Variants in PTN observed in about 807,000 individuals in gnomAD.
The protein encoded by PTN is heparin affin regulatory protein.
PTN carries 18 observed loss-of-function variants against 24.1 expected under a neutral mutation model. The observed-to-expected ratio is 0.75, with a 90% CI of 0.52 to 1.11. The LOEUF (loss-of-function observed/expected upper bound fraction) is 1.11, where lower values mean the gene tolerates loss of function less well. PTN is among the 50% of genes least tolerant of loss of function. PTN has a pLI of 0.00. For synonymous variants in PTN, 78 were observed against 68.6 expected, an observed-to-expected ratio of 1.14 and a Z score of -0.67; for missense variants, 163 against 198.8, an observed-to-expected ratio of 0.82 and a Z score of 1.08.
At chr7:137,247,319 G>A (rs537963413) in intron 4 of PTN, among the ~76,000 whole-genome samples, 2 of 152,274 alleles carry the variant, frequency 1.3e-5, no homozygotes, top group Non-Finnish European at 2.9e-5. Flanking sequence ...TATACATAAC[G>A]GAGTACAATT....
At chr7:137,270,749 G>C (rs117535511) in intron 1 of PTN, among the ~76,000 whole-genome samples, 1,853 of 152,168 alleles carry the variant, frequency 0.012, 15 homozygotes, top group East Asian at 0.038. Context: ...AAAAATAGAC[G>C]ACTAAAGAGA....
At chr7:137,244,831 A>G (rs1217595550) in intron 4 of PTN, among the ~76,000 whole-genome samples, 4 of 152,128 alleles carry the variant, frequency 2.6e-5, no homozygotes, top group Non-Finnish European at 4.4e-5. Context: ...CTCAAGAAGT[A>G]ATGCTGTTAG....
At position 137,271,698 on chromosome 7, in the gene PTN, T is replaced by TTA. The variant is rs568888483; in HGVS notation, c.-1-16726_-1-16725dup. Among the ~76,000 whole-genome samples the TTA allele has an allele frequency of 2.8e-3, 425 of 152,334 alleles. 1 individual carries two copies. Among genetic ancestry groups the TTA allele is most frequent in the African/African-American group, 0.01 (418 of 41,576 alleles). ...CTGACTTTGAGAATCACAGAATTGT[T>TTA]TAGTTTCCTCCTAATCCTTTTCAAG... On this transcript the variant is annotated intron_variant, in intron 1 of 4. Transcript: ENST00000348225.
chr7:137,305,009 C>G (rs1375084151), intron 1 of PTN, among the ~76,000 whole-genome samples: 1 of 152,022 alleles, frequency 6.6e-6, no homozygotes, highest in Non-Finnish European at 1.5e-5. Flanking sequence ...CATGGCTGAG[C>G]AATTCGAGGT....
intron 4 of PTN, among the ~76,000 whole-genome samples, chr7:137,241,954 AAC>A (rs917807816): frequency 3.3e-5 from 5 of 152,022 alleles, no homozygotes; most frequent in Admixed American, 2.0e-4. Context: ...CACCTCTCTC[AAC>A]ACAGTTAAAA....
At chr7:137,303,984 A>G (rs921793897) in intron 1 of PTN, among the ~76,000 whole-genome samples, 16 of 151,978 alleles carry the variant, frequency 1.1e-4, no homozygotes, top group Non-Finnish European at 1.6e-4. Flanking sequence ...GTTTTAAGTA[A>G]AGTTGTGTAT....
intron 1 of PTN, among the ~76,000 whole-genome samples, chr7:137,283,674 T>C (rs2128876352): frequency 6.6e-6 from 1 of 152,270 alleles, no homozygotes; most frequent in African/African-American, 2.4e-5. Flanking sequence ...TTCTTCACCA[T>C]ACTTTTCGCA....
rs1176884743 is a variant in PTN, at chr7:137,289,576, G to A, written c.-1-34602C>T. Among the ~76,000 whole-genome samples, 5 of 152,224 alleles carry A rather than the reference G, an allele frequency of 3.3e-5. No individual in the cohort carries two copies. In the South Asian group the frequency reaches 6.2e-4, roughly 19 times the overall value. On this transcript the variant is annotated intron_variant, in intron 1 of 4. Coordinates refer to ENST00000348225, the MANE Select transcript of PTN (RefSeq NM_002825.7). ...AAATCTGAGTCTTGTGGTCAGAGAC[G>A]GAGAAAGTCAGAAATTTCAAGTGTG...
chr7:137,235,236 T>A (rs1808498823), intron 4 of PTN, among the ~76,000 whole-genome samples: 1 of 152,228 alleles, frequency 6.6e-6, no homozygotes, highest in Non-Finnish European at 1.5e-5. Flanking sequence ...TGAACCGATT[T>A]AAAGTAACTC....
chr7:137,232,022 T>C (rs1808435175), intron 4 of PTN, among the ~76,000 whole-genome samples: 1 of 151,942 alleles, frequency 6.6e-6, no homozygotes, highest in Non-Finnish European at 1.5e-5. Flanking sequence ...GCGGCTACTC[T>C]AGAAGGTTCT....
At chr7:137,238,504 T>G (rs962651271) in intron 4 of PTN, among the ~76,000 whole-genome samples, 11 of 152,168 alleles carry the variant, frequency 7.2e-5, no homozygotes, top group Admixed American at 6.5e-4. Context: ...CATAAATAAC[T>G]CTGAATATGC....
chr7:137,339,986 G>A (rs1221024827), intron 1 of PTN, among the ~76,000 whole-genome samples: 1 of 152,116 alleles, frequency 6.6e-6, no homozygotes, highest in African/African-American at 2.4e-5. Context: ...TACAGCGCTT[G>A]ATTTTTTGTT....
chr7:137,245,943 A>G (rs1482825285), intron 4 of PTN, among the ~76,000 whole-genome samples: 1 of 152,256 alleles, frequency 6.6e-6, no homozygotes, highest in Non-Finnish European at 1.5e-5. Flanking sequence ...AATAAATTTA[A>G]AAGTTTATAA....
intron 1 of PTN, among the ~76,000 whole-genome samples, chr7:137,315,470 C>T (rs1183389510): frequency 6.6e-6 from 1 of 152,156 alleles, no homozygotes; most frequent in African/African-American, 2.4e-5. Context: ...TATTATTGAA[C>T]AGCAAGCACA....
At chr7:137,233,270 A>T (rs886365090) in intron 4 of PTN, among the ~76,000 whole-genome samples, 1 of 152,004 alleles carries the variant, frequency 6.6e-6, no homozygotes, top group African/African-American at 2.4e-5. Flanking sequence ...TGGTTCAAAT[A>T]GATGTTTGCC....
chr7:137,227,905 A>G lies in PTN; in HGVS notation c.*115T>C. 7.1e-7 allele frequency: 1 copy of G among 1,405,148 alleles called. No homozygotes were observed. Among genetic ancestry groups the G allele is most frequent in the South Asian group, 1.6e-5 (1 of 63,140 alleles). 87.0% of individuals were successfully genotyped at this position (1,405,148 alleles called of 1,614,324 possible). On this transcript the variant is annotated 3_prime_UTR_variant, in exon 5 of 5. Transcript: ENST00000348225. ...TTTTCTTTTCTTTTTGTTTTTGCTT[A>G]TTGTGTACTTAGCTATAGATAATTT...
At chr7:137,247,413 G>A (rs1399221092) in intron 4 of PTN, among the ~76,000 whole-genome samples, 2 of 152,144 alleles carry the variant, frequency 1.3e-5, no homozygotes, top group Non-Finnish European at 2.9e-5. Context: ...AATAAGACAG[G>A]CACAGAAAGA....
At chr7:137,314,597 C>CT (rs34363631) in intron 1 of PTN, among the ~76,000 whole-genome samples, 97,398 of 131,862 alleles carry the variant, frequency 0.74, 39,318 homozygotes, top group Non-Finnish European at 0.89. Context: ...TTACATGATG[C>CT]TTTTTTTTTT....
At chr7:137,271,619 G>A (rs903278421) in intron 1 of PTN, among the ~76,000 whole-genome samples, 3 of 152,218 alleles carry the variant, frequency 2.0e-5, no homozygotes, top group African/African-American at 7.2e-5. Flanking sequence ...AGACTCGGCT[G>A]TTTGTATTAT....
Sources: gnomAD v4.1 joint callset for allele counts (sites outside exome capture counted in the v4.1 genomes callset) on GRCh38, gnomAD v4.1.1 for gene constraint, MANE v1.5 for transcripts, NCBI Gene and HGNC (gene_info 2026-07-23, HGNC 2026-07-21) for gene names.